NOX5: variants seen among roughly 807,000 people sequenced by gnomAD.
NOX5 encodes the protein NADPH oxidase 5, also known as NADPH oxidase, EF-hand calcium binding domain 5.
A neutral mutation model predicts 85.7 loss-of-function variants in NOX5; 76 were observed. The observed-to-expected ratio is 0.89, with a 90% CI of 0.74 to 1.07. The LOEUF is 1.07. Among genes scored for constraint, NOX5 ranks in the 50% least tolerant of loss-of-function variants. The probability of loss-of-function intolerance (pLI) is 0.00; values close to 1 mark genes in which losing one functional copy is unlikely to be tolerated. For missense variants in NOX5, 973 were observed against 999.5 expected, an observed-to-expected ratio of 0.97 and a Z score of 0.36; for synonymous variants, 405 against 401.4, an observed-to-expected ratio of 1.01 and a Z score of -0.11.
At chr15:69,043,115 G>C (rs191775475) in intron 10 of NOX5, among the ~76,000 whole-genome samples, 73 of 152,304 alleles carry the variant, frequency 4.8e-4, no homozygotes, top group South Asian at 8.3e-4. Flanking sequence ...GTGGGCTTGG[G>C]CATGTCTTTT....
rs1239124693 is a variant in NOX5, at chr15:69,061,418, T to G, written c.*4722T>G. The G allele has an allele frequency of 6.6e-6, 1 of 152,260 alleles. No homozygotes were observed. The highest frequency in any genetic ancestry group is 1.5e-5 in the Non-Finnish European group (1 of 68,050). 9.4% of individuals were successfully genotyped at this position (152,260 alleles called of 1,614,324 possible). On this transcript the variant is annotated 3_prime_UTR_variant, in exon 16 of 16. Coordinates refer to ENST00000388866, the MANE Select transcript of NOX5 (RefSeq NM_024505.4). ...GGCCGTGGGCATACACGTGAAATTG[T>G]GTGCACAGGGGCTAAGCCCAGCACC...
intron 8 of NOX5, chr15:69,038,369 C>T: frequency 5.7e-6 from 1 of 175,978 alleles, no homozygotes; most frequent in South Asian, 1.5e-4. Context: ...TCTTCTTGTC[C>T]CTAAAGTAGA....
At position 69,031,303 on chromosome 15, in the gene NOX5, T is replaced by C. The variant is rs565122059; in HGVS notation, c.326-215T>C. ...TGGAAGTTGAGTAGTACTTAGGGAG[T>C]TACCGATTCTGGAGACAGGCAACCA... On this transcript the variant is annotated intron_variant, in intron 3 of 15. Transcript: ENST00000388866. 8.3e-5 allele frequency: 48 copies of C among 576,628 alleles called. 2 individuals are homozygous for C. Among genetic ancestry groups the C allele is most frequent in the East Asian group, 3.4e-4 (12 of 35,504 alleles). 35.7% of individuals were successfully genotyped at this position (576,628 alleles called of 1,614,324 possible).
chr15:69,022,777 C>A, intron 1 of NOX5: 1 of 205,596 alleles, frequency 4.9e-6, no homozygotes, highest in South Asian at 7.7e-5. Flanking sequence ...TGCAGTGTGT[C>A]AGAAGGAAAA....
chr15:69,055,362 G>T lies in NOX5; in HGVS notation c.2028G>T (p.Met676Ile). The T allele has an allele frequency of 6.2e-7, 1 of 1,614,140 alleles. No homozygotes were observed. Among genetic ancestry groups the T allele is most frequent in the South Asian group, 1.1e-5 (1 of 91,052 alleles). Residue 676 changes from methionine (M) to isoleucine (I), a missense_variant, in exon 15 of 16, where the codon ATG (methionine) becomes ATT (isoleucine). Physicochemically the swap from Met to Ile is conservative, Grantham distance 10. Transcript: ENST00000388866. ...YGRFLELHMY[M>I]TSALGKNDMK... is the part of the protein sequence containing the mutation. Reference sequence around the variant, plus strand: ...GCTTCCTGGAGCTGCATATGTACATGACATCTGCACTGGGCAAGAATGACA... The same window carrying T: ...GCTTCCTGGAGCTGCATATGTACATTACATCTGCACTGGGCAAGAATGACA...
Position 69,014,776 on chromosome 15 carries a change from G to T in NOX5, c.41G>T (p.Gly14Val). 1 of 1,549,570 alleles carries T rather than the reference G, an allele frequency of 6.5e-7. No homozygotes were observed. The highest frequency in any genetic ancestry group is 2.0e-5 in the Admixed American group (1 of 51,014). The change falls in exon 1 of 16, where the codon GGC becomes GTC. Residue 14 changes from glycine to valine, a missense_variant. Gly to Val is a moderately radical substitution (Grantham distance 109, BLOSUM62 -3). Coordinates refer to ENST00000388866, the MANE Select transcript of NOX5 (RefSeq NM_024505.4). ...SGDPAQTGPE[G>V]CRGTMSAEED... ...GACCCAGCCCAGACGGGCCCTGAAG[G>T]CTGTAGAGGGTGAGTGGCTCATTTG...
At chr15:69,033,692 CTTTTTTTTCTT>C (rs2079543754) in intron 5 of NOX5, among the ~76,000 whole-genome samples, 1 of 136,358 alleles carries the variant, frequency 7.3e-6, no homozygotes, top group African/African-American at 2.9e-5. Flanking sequence ...TTTTTTCTTT[CTTTTTTTTCTT>C]TTTTTTTTTT....
At chr15:69,028,833 C>A (rs2050393646) in intron 3 of NOX5, 1 of 114,626 alleles carries the variant, frequency 8.7e-6, no homozygotes, top group Non-Finnish European at 2.2e-5. Flanking sequence ...ACGCCACACA[C>A]CTTTTTTTTT....
chr15:69,047,026 C>A (rs1257540140), intron 11 of NOX5, 160 bp downstream of exon 11: 2 of 686,500 alleles, frequency 2.9e-6, no homozygotes, highest in Non-Finnish European at 5.0e-6. Flanking sequence ...AACCACATCC[C>A]TCCCCCTGCT....
At chr15:69,047,119 C>T (rs1024579683) in intron 11 of NOX5, 18 of 567,106 alleles carry the variant, frequency 3.2e-5, no homozygotes, top group South Asian at 2.9e-4. Context: ...TATAGGCCTA[C>T]GTGCTCTCCA....
intron 6 of NOX5, 84 bp from the exon 7 acceptor site, chr15:69,035,674 G>C (rs1405233050): frequency 1.3e-5 from 21 of 1,569,860 alleles, no homozygotes; most frequent in Non-Finnish European, 1.7e-5. Flanking sequence ...AGTATCTGAT[G>C]GTGCAGGGTG....
intron 1 of NOX5, among the ~76,000 whole-genome samples, chr15:69,025,051 C>A (rs1282192710): frequency 6.6e-6 from 1 of 152,112 alleles, no homozygotes; most frequent in Non-Finnish European, 1.5e-5. Flanking sequence ...AAAGTCACTG[C>A]AAACGCTGAA....
At chr15:69,055,558 C>A in intron 15 of NOX5, 58 bp downstream of exon 15, 1 of 1,579,630 alleles carries the variant, frequency 6.3e-7, no homozygotes. Flanking sequence ...GAGCTCGAGG[C>A]AGCGGTGGGG....
In NOX5 at chr15:69,035,772, G is replaced by A. The variant is rs145707093; in HGVS notation, c.1024G>A (p.Ala342Thr). 2.2e-4 allele frequency: 363 copies of A among 1,613,978 alleles called. No homozygotes were observed. The highest frequency in any genetic ancestry group is 3.0e-4 in the Non-Finnish European group (354 of 1,180,012). ...HTVNFVLQAQ[A>T]EASPFQFWEL... ...CTTGTTTCCAGTACTCCAGGCTCAG[G>A]CGGAGGCCAGCCCTTTCCAGTTCTG... The change falls in exon 7 of 16, where the codon GCG (alanine) becomes ACG (threonine). Residue 342 changes from alanine to threonine, a missense_variant. Physicochemically the swap from Ala to Thr is moderately conservative, Grantham distance 58. Transcript: ENST00000388866.
chr15:69,031,480 G>T, intron 3 of NOX5, 38 bp from the exon 4 acceptor site: 1 of 1,575,360 alleles, frequency 6.3e-7, no homozygotes, highest in Non-Finnish European at 8.6e-7. Context: ...CAGAAAGCTG[G>T]AGGTGGGTAA....
chr15:69,033,696 T>C (rs574685272), intron 5 of NOX5, among the ~76,000 whole-genome samples: 93 of 145,768 alleles, frequency 6.4e-4, no homozygotes, highest in East Asian at 3.3e-3. Flanking sequence ...TTCTTTCTTT[T>C]TTTTCTTTTT....
rs78571685 is a variant in NOX5 at position 69,031,619 on chromosome 15, C to G, written c.427C>G (p.Pro143Ala). Residue 143 changes from proline to alanine, a missense_variant, in exon 4 of 16, where the codon CCG becomes GCG. By Grantham distance (27) the Pro-to-Ala change is conservative (BLOSUM62 -1). Coordinates refer to ENST00000388866, the MANE Select transcript of NOX5 (RefSeq NM_024505.4). The stretch of plus-strand genomic sequence containing the variant: ...CGGGACAGGCAGTGGCTCCATTGAC[C>G]CGGATGAGCTGCGCACTGTGCTGCA... Reference protein sequence around the residue: ...PLGTGSGSIDPDELRTVLQSC... With the variant: ...PLGTGSGSIDADELRTVLQSC... 5.7e-3 allele frequency: 9,165 copies of G among 1,613,222 alleles called. 557 individuals carry two copies. In the Admixed American group the frequency reaches 0.12, roughly 20 times the overall value.
At chr15:69,028,400 G>C (rs757124710) in intron 3 of NOX5, 35 bp downstream of exon 3, 9 of 1,536,792 alleles carry the variant, frequency 5.9e-6, no homozygotes, top group Non-Finnish European at 7.9e-6. Flanking sequence ...CTGGGGTGGG[G>C]AGATCAGTGG....
intron 9 of NOX5, among the ~76,000 whole-genome samples, chr15:69,039,799 C>A (rs150896271): frequency 6.6e-6 from 1 of 152,324 alleles, no homozygotes; most frequent in East Asian, 1.9e-4. Flanking sequence ...GACTCTCACC[C>A]GTGCACGTGC....
Sources: allele counts gnomAD v4.1 joint callset (sites outside exome capture counted in the v4.1 genomes callset), GRCh38; gene constraint gnomAD v4.1.1; transcripts MANE v1.5; gene names NCBI Gene and HGNC (gene_info 2026-07-23, HGNC 2026-07-21).